PIEZO1: variants seen among roughly 807,000 people sequenced by gnomAD.
PIEZO1 encodes piezo-type mechanosensitive ion channel component 1.
A neutral mutation model predicts 297.2 loss-of-function variants in PIEZO1; 296 were observed. The observed-to-expected ratio is 1.00, with a 90% CI of 0.91 to 1.10. PIEZO1 has a LOEUF of 1.10. Among genes scored for constraint, PIEZO1 ranks in the 50% least tolerant of loss-of-function variants. PIEZO1 has a pLI of 0.00. For synonymous variants in PIEZO1, 2,427 were observed against 1,507.5 expected (o/e 1.61, Z -14.13); for missense variants, 5,018 against 3,455.5 (o/e 1.45, Z -11.34).
At position 88,720,178 on chromosome 16, in the gene PIEZO1, G is replaced by A. The variant is rs1912329001; in HGVS notation, c.6055C>T (p.Arg2019Cys). ...ACGGTCTTGCGCAGGTAGAGGGCGC[G>A]GTCAACCACCATGGTACTGAACTGG... The part of the protein sequence containing the change: ...LIQFSTMVVD[R>C]ALYLRKTVLG... Residue 2019 changes from arginine to cysteine, a missense_variant, in exon 42 of 51, where the codon CGC (arginine) becomes TGC (cysteine). By Grantham distance (180) the Arg-to-Cys change is radical. Transcript: ENST00000301015. The A allele has an allele frequency of 5.8e-6, 9 of 1,550,386 alleles. No individual in the cohort carries two copies. The highest frequency in any genetic ancestry group is 2.4e-5 in the South Asian group (2 of 84,064).
At chr16:88,717,799 G>A in intron 44 of PIEZO1, 1 of 450,736 alleles carries the variant, frequency 2.2e-6, no homozygotes, top group Non-Finnish European at 4.4e-6. Flanking sequence ...GTCATTTCTA[G>A]CCAATGTATC....
In PIEZO1 at chr16:88,737,637, G is replaced by T; in HGVS notation, c.1117C>A (p.Pro373Thr). Residue 373 changes from proline (P) to threonine (T), a missense_variant, in exon 10 of 51, where the codon CCC becomes ACC. By Grantham distance (38) the Pro-to-Thr change is conservative. Transcript: ENST00000301015. ...QERESDQHVV[P>T]TAPDTEADNC... ...TCAGCCTCGGTGTCGGGTGCTGTGG[G>T]CACCACGTGCTGTGGGCAAGCAGCG... 1 of 1,534,838 alleles carries T rather than the reference G, an allele frequency of 6.5e-7. No individual in the cohort carries two copies.
In PIEZO1 at chr16:88,782,018, C is replaced by T. The variant is rs550041209; in HGVS notation, c.64+2883G>A. Among the ~76,000 whole-genome samples the T allele has an allele frequency of 2.6e-4, 40 of 152,366 alleles. 1 individual carries two copies. Among genetic ancestry groups the T allele is most frequent in the African/African-American group, 9.6e-4 (40 of 41,600 alleles). Reference sequence around the variant, plus strand: ...CAGTCAGTGACACGGTGGCTCCTCTCGCACCAGCTGGCTTTCCGCAGCCCT... The same window carrying T: ...CAGTCAGTGACACGGTGGCTCCTCTTGCACCAGCTGGCTTTCCGCAGCCCT... On this transcript the variant is annotated intron_variant, in intron 1 of 50. Transcript: ENST00000301015.
chr16:88,721,457 G>T, intron 38 of PIEZO1, 27 bp from the exon 39 acceptor site: 1 of 1,540,264 alleles, frequency 6.5e-7, no homozygotes, highest in South Asian at 1.2e-5. Context: ...TGTGGTGAGG[G>T]GGCCTTGCCT....
At chr16:88,743,674 A>G (rs73266647) in intron 2 of PIEZO1, 7,917 of 456,466 alleles carry the variant, frequency 0.017, 499 homozygotes, top group African/African-American at 0.14. Context: ...GCAAAGACTC[A>G]TGACCCACGT....
chr16:88,717,144 A>G lies in PIEZO1; in HGVS notation c.6539T>C (p.Ile2180Thr). 1 of 1,551,370 alleles carries G rather than the reference A, an allele frequency of 6.4e-7. No individual in the cohort carries two copies. Among genetic ancestry groups the G allele is most frequent in the Non-Finnish European group, 8.7e-7 (1 of 1,147,232 alleles). The change falls in exon 45 of 51, where the codon ATC (isoleucine) becomes ACC (threonine). Residue 2180 changes from isoleucine to threonine, a missense_variant. Ile to Thr is a moderately conservative substitution (Grantham distance 89, BLOSUM62 -1). Transcript: ENST00000301015. ...IVKYGMGGLI[I>T]LFLIAIIWFP... ...CCAGATGATGGCGATGAGGAAGAGG[A>G]TGATGAGGCCACCCATGCCGTACTT...
chr16:88,731,993 C>G (rs1446592828), intron 21 of PIEZO1, 83 bp from the exon 22 acceptor site: 5 of 6,404 alleles, frequency 7.8e-4, no homozygotes, highest in East Asian at 3.2e-3. Flanking sequence ...AGGCCTCAGG[C>G]TTGCAGCAGC....
rs566671265 is a variant in PIEZO1, at chr16:88,723,090, C to T, written c.4495+5G>A. 9.6e-5 allele frequency: 149 copies of T among 1,547,346 alleles called. 2 individuals are homozygous for T. The South Asian group carries it at 1.5e-3, about 15-fold the overall frequency. ...CTCCCACTCCCCAGCCCCGGGCCCA[C>T]GTACCTGCCGCTGCCTCCTCGGGGC... On this transcript the variant is annotated splice_donor_5th_base_variant and intron_variant, in intron 33 of 50. Transcript: ENST00000301015.
At chr16:88,734,152 T>G (rs1905056778) in intron 16 of PIEZO1, 98 bp from the exon 17 acceptor site, 2 of 1,410,080 alleles carry the variant, frequency 1.4e-6, no homozygotes, top group East Asian at 2.5e-5. Context: ...CTGCTGCAGC[T>G]GCCAGTTCAG....
At chr16:88,736,574 C>G (rs1905233197) in intron 11 of PIEZO1, 65 bp downstream of exon 11, 2 of 1,365,044 alleles carry the variant, frequency 1.5e-6, no homozygotes, top group African/African-American at 1.5e-5. Flanking sequence ...CGCACCCCAC[C>G]CAGGCGATGC....
In PIEZO1 at chr16:88,717,370, A is replaced by T. The variant is rs1912126005; in HGVS notation, c.6472-159T>A. 4.4e-6 allele frequency: 3 copies of T among 675,590 alleles called. No homozygotes were observed. The East Asian group carries it at 8.2e-5, about 18-fold the overall frequency. 41.8% of individuals were successfully genotyped at this position (675,590 alleles called of 1,614,324 possible). ...GGGCAGACACAGGCCAGTGGAGTAGAACTAAGAGTCCAGTTGGAACCCTCA... is the reference window on the plus strand; with the variant it reads ...GGGCAGACACAGGCCAGTGGAGTAGTACTAAGAGTCCAGTTGGAACCCTCA... On this transcript the variant is annotated intron_variant, in intron 44 of 50. Transcript: ENST00000301015.
chr16:88,783,077 G>C (rs1006002589), intron 1 of PIEZO1, among the ~76,000 whole-genome samples: 2 of 152,246 alleles, frequency 1.3e-5, no homozygotes, highest in African/African-American at 2.4e-5. Flanking sequence ...TTCTTTAAAA[G>C]TTTCATAGAA....
chr16:88,728,375 C>G (rs1475568479), intron 22 of PIEZO1, among the ~76,000 whole-genome samples: 1 of 152,188 alleles, frequency 6.6e-6, no homozygotes, highest in East Asian at 1.9e-4. Flanking sequence ...GAGGGAACCT[C>G]GCGACACAAA....
chr16:88,784,974 G>A lies in PIEZO1; in HGVS notation c.-10C>T. ...GCACGTGCGGCTCCATGGCTGGAGGGCCCAGGGCCCGGCCCAGACCGAGCG... is the reference window on the plus strand; with the variant it reads ...GCACGTGCGGCTCCATGGCTGGAGGACCCAGGGCCCGGCCCAGACCGAGCG... On this transcript the variant is annotated 5_prime_UTR_variant, in exon 1 of 51. Coordinates refer to ENST00000301015, the MANE Select transcript of PIEZO1 (RefSeq NM_001142864.4). The A allele has an allele frequency of 7.5e-7, 1 of 1,334,136 alleles. No individual in the cohort carries two copies. Among genetic ancestry groups the A allele is most frequent in the South Asian group, 1.7e-5 (1 of 57,692 alleles). The allele number at this position is 1,334,136 out of a possible 1,614,324, so 82.6% of individuals were successfully genotyped here. A position where few individuals can be genotyped will look rare whatever the true frequency, so the allele number is the denominator to read the frequency against.
In PIEZO1 at chr16:88,736,233, T is replaced by C. The variant is rs1382907778; in HGVS notation, c.1472A>G (p.Glu491Gly). The change falls in exon 12 of 51, where the codon GAG becomes GGG. Residue 491 changes from glutamate to glycine, a missense_variant. Transcript: ENST00000301015. ...RYVWAMDLRP[E>G]LPTTLGPVSL... ...GACGGGGCCCAGGGTGGTGGGCAGCTCAGGGCGCAGGTCCATGGCCCACAC... is the reference window on the plus strand; with the variant it reads ...GACGGGGCCCAGGGTGGTGGGCAGCCCAGGGCGCAGGTCCATGGCCCACAC... 1 of 1,549,938 alleles carries C rather than the reference T, an allele frequency of 6.5e-7. No individual in the cohort carries two copies. Among genetic ancestry groups the C allele is most frequent in the Non-Finnish European group, 8.7e-7 (1 of 1,146,744 alleles).
Position 88,732,690 on chromosome 16 carries a change from G to A in PIEZO1, c.2707C>T (p.Gln903Ter). ...ACGGGCCCCCGGTACAGCAGGGACT[G>A]GCTGATCTCCGTGGGCAGCAAGTTG... is the stretch of plus-strand genomic sequence containing the variant. ...STNLLPTEISQSLLYRGPVDP... is the reference protein window; with the variant it reads ...STNLLPTEIS Residue 903 changes from glutamine (Q) to a stop codon, truncating the protein, a stop_gained, in exon 20 of 51, where the codon CAG (glutamine) becomes TAG (stop). Coordinates refer to ENST00000301015, the MANE Select transcript of PIEZO1 (RefSeq NM_001142864.4). LOFTEE classifies it high-confidence loss of function. 6.5e-7 allele frequency: 1 copy of A among 1,549,348 alleles called. No individual in the cohort carries two copies. Among genetic ancestry groups the A allele is most frequent in the Non-Finnish European group, 8.7e-7 (1 of 1,146,294 alleles).
At chr16:88,775,961 C>A (rs1907642067) in intron 1 of PIEZO1, among the ~76,000 whole-genome samples, 1 of 152,174 alleles carries the variant, frequency 6.6e-6, no homozygotes, top group Non-Finnish European at 1.5e-5. Context: ...CAGATTAAAG[C>A]CACGGGAGGC....
At position 88,723,242 on chromosome 16, in the gene PIEZO1, T is replaced by G. The variant is rs1290825455; in HGVS notation, c.4422A>C (p.Ala1474=). Residue 1474 remains alanine (A), a synonymous_variant, in exon 32 of 51, where the codon GCA becomes GCC. Transcript: ENST00000301015. ...QEQEQARQEQ[A]GQLPTGGGPS... ...CCAGCTCACCTGTGGGTAGCTGTCC[T>G]GCCTGTTCCTGCCTTGCCTGCTCCT... is the stretch of plus-strand genomic sequence containing the variant. 2 of 1,545,954 alleles carry G rather than the reference T, an allele frequency of 1.3e-6. No individual in the cohort carries two copies. Among genetic ancestry groups the G allele is most frequent in the Non-Finnish European group, 1.7e-6 (2 of 1,146,736 alleles).
chr16:88,735,954 T>C (rs1905183397), intron 12 of PIEZO1, among the ~76,000 whole-genome samples, 194 bp downstream of exon 12: 1 of 152,200 alleles, frequency 6.6e-6, no homozygotes, highest in African/African-American at 2.4e-5. Context: ...AACACAAGGT[T>C]GTCTGTTTAT....
Sources: allele counts gnomAD v4.1 joint callset (sites outside exome capture counted in the v4.1 genomes callset), GRCh38; gene constraint gnomAD v4.1.1; transcripts MANE v1.5; gene names NCBI Gene and HGNC (gene_info 2026-07-23, HGNC 2026-07-21).